The following ZFPM2 variants were observed in gnomAD, a reference collection of about 807,000 sequenced individuals.
The protein encoded by ZFPM2 is zinc finger protein, FOG family member 2.
Under a neutral mutation model 98.6 loss-of-function variants are expected in ZFPM2, and 20 were observed. The ratio of observed to expected loss-of-function variants is 0.20; its 90% CI spans 0.14 to 0.29. The LOEUF (loss-of-function observed/expected upper bound fraction) is 0.29, where lower values mean the gene tolerates loss of function less well. ZFPM2 is among the 10% of genes least tolerant of loss of function. ZFPM2 has a pLI of 1.00. For synonymous variants in ZFPM2, 518 were observed against 502.7 expected (o/e 1.03, Z -0.41); for missense variants, 1,310 against 1,388.6 (o/e 0.94, Z 0.90).
intron 5 of ZFPM2, among the ~76,000 whole-genome samples, chr8:105,643,112 C>T (rs539022024): frequency 6.6e-6 from 1 of 152,034 alleles, no homozygotes; most frequent in African/African-American, 2.4e-5. Flanking sequence ...GTGATGAAAT[C>T]GAGATTCTAG....
chr8:105,523,808 G>T (rs1024808498), intron 3 of ZFPM2, among the ~76,000 whole-genome samples: 1 of 152,146 alleles, frequency 6.6e-6, no homozygotes, highest in African/African-American at 2.4e-5. Context: ...TATTTTTGTG[G>T]TATGTTGGGT....
At position 105,336,702 on chromosome 8, in the gene ZFPM2, A is replaced by T. The variant is rs1400852077; in HGVS notation, c.40+17721A>T. Among the ~76,000 whole-genome samples, 14 of 150,674 alleles carry T rather than the reference A, an allele frequency of 9.3e-5. No homozygotes were observed. The East Asian group carries it at 1.2e-3, about 13-fold the overall frequency. The stretch of plus-strand genomic sequence containing the variant: ...TGTAATATACTCCACACACACACAC[A>T]CACACACACACACACACACACACAC... On this transcript the variant is annotated intron_variant, in intron 1 of 7. Transcript: ENST00000407775.
chr8:105,565,320 G>A (rs1318016073), intron 4 of ZFPM2, among the ~76,000 whole-genome samples: 2 of 152,130 alleles, frequency 1.3e-5, no homozygotes, highest in Non-Finnish European at 2.9e-5. Flanking sequence ...ACTGAACATA[G>A]AAATAGAGTA....
intron 1 of ZFPM2, among the ~76,000 whole-genome samples, chr8:105,377,187 C>T (rs1669736331): frequency 6.6e-6 from 1 of 152,146 alleles, no homozygotes; most frequent in African/African-American, 2.4e-5. Flanking sequence ...AGGAGGGCTT[C>T]CCTGACTTAC....
chr8:105,514,557 G>A (rs1394240076), intron 3 of ZFPM2, among the ~76,000 whole-genome samples: 2 of 152,050 alleles, frequency 1.3e-5, no homozygotes, highest in Non-Finnish European at 1.5e-5. Flanking sequence ...GTTGGTTTTT[G>A]TGAGAAGCCT....
At chr8:105,545,315 A>T (rs567734824) in intron 3 of ZFPM2, among the ~76,000 whole-genome samples, 23 of 152,208 alleles carry the variant, frequency 1.5e-4, no homozygotes, top group African/African-American at 5.1e-4. Context: ...AATCATTGTT[A>T]TTTGGTAGAT....
At chr8:105,590,898 T>A (rs1435907050) in intron 4 of ZFPM2, among the ~76,000 whole-genome samples, 1 of 152,202 alleles carries the variant, frequency 6.6e-6, no homozygotes, top group African/African-American at 2.4e-5. Context: ...TGAAAGGGTA[T>A]AGTTCTGCCA....
chr8:105,438,034 G>A (rs1812160290), intron 2 of ZFPM2, among the ~76,000 whole-genome samples: 1 of 151,994 alleles, frequency 6.6e-6, no homozygotes, highest in South Asian at 2.1e-4. Context: ...GAGAGACTCT[G>A]TCTCCAATAA....
chr8:105,341,788 T>C (rs1031940522), intron 1 of ZFPM2, among the ~76,000 whole-genome samples: 1 of 152,058 alleles, frequency 6.6e-6, no homozygotes, highest in Non-Finnish European at 1.5e-5. Context: ...CTTGGATATA[T>C]GTGACCTTAG....
intron 3 of ZFPM2, among the ~76,000 whole-genome samples, chr8:105,485,670 C>G (rs1813217513): frequency 6.6e-6 from 1 of 152,060 alleles, no homozygotes. Flanking sequence ...GGAAGAGCAA[C>G]TATAGACTCT....
intron 1 of ZFPM2, among the ~76,000 whole-genome samples, chr8:105,339,873 A>G (rs1284290417): frequency 6.6e-6 from 1 of 151,948 alleles, no homozygotes; most frequent in Non-Finnish European, 1.5e-5. Context: ...AAGCAGCAAA[A>G]TTGCCCTTTG....
At chr8:105,441,485 A>AGAAAGAAAGAAAAAAAT (rs1812247069) in intron 2 of ZFPM2, among the ~76,000 whole-genome samples, 1 of 111,588 alleles carries the variant, frequency 9.0e-6, no homozygotes, top group African/African-American at 4.5e-5. Flanking sequence ...AAAGAAAGAA[A>AGAAAGAAAGAAAAAAAT]GAAAGAAAGA....
chr8:105,558,529 A>T (rs1368844309), intron 3 of ZFPM2, among the ~76,000 whole-genome samples: 1 of 152,178 alleles, frequency 6.6e-6, no homozygotes, highest in Non-Finnish European at 1.5e-5. Context: ...AAGACACTTC[A>T]GAAACTTTGG....
At chr8:105,780,764 C>A (rs1813225714) in intron 5 of ZFPM2, among the ~76,000 whole-genome samples, 1 of 152,192 alleles carries the variant, frequency 6.6e-6, no homozygotes. Flanking sequence ...CCTGTAATCC[C>A]AGCAACTTGG....
chr8:105,388,665 T>G (rs868281204), intron 1 of ZFPM2, among the ~76,000 whole-genome samples: 1 of 152,134 alleles, frequency 6.6e-6, no homozygotes, highest in South Asian at 2.1e-4. Flanking sequence ...CATTGGAGAA[T>G]ATGTCTTGAA....
chr8:105,328,499 T>A (rs1812156072), intron 1 of ZFPM2, among the ~76,000 whole-genome samples: 1 of 151,846 alleles, frequency 6.6e-6, no homozygotes, highest in Admixed American at 6.6e-5. Flanking sequence ...AAATTTGTAA[T>A]CTGTGTTGTA....
chr8:105,667,542 T>C (rs766499273), intron 5 of ZFPM2, among the ~76,000 whole-genome samples: 1 of 152,188 alleles, frequency 6.6e-6, no homozygotes, highest in Non-Finnish European at 1.5e-5. Context: ...GTAATACTTT[T>C]TGAGTTTTAG....
intron 1 of ZFPM2, among the ~76,000 whole-genome samples, chr8:105,383,397 C>T (rs1453403003): frequency 6.6e-6 from 1 of 152,108 alleles, no homozygotes; most frequent in Non-Finnish European, 1.5e-5. Context: ...AATTGGTCAG[C>T]ATGACTGTCC....
chr8:105,686,902 G>GT (rs1356912612), intron 5 of ZFPM2, among the ~76,000 whole-genome samples: 1 of 152,100 alleles, frequency 6.6e-6, no homozygotes, highest in Non-Finnish European at 1.5e-5. Context: ...GGAAAATATA[G>GT]TATTTCCTTC....
Sources: allele counts gnomAD v4.1 joint callset (sites outside exome capture counted in the v4.1 genomes callset), GRCh38; gene constraint gnomAD v4.1.1; transcripts MANE v1.5; gene names NCBI Gene and HGNC (gene_info 2026-07-23, HGNC 2026-07-21).